The following ZNF184 variants were observed in gnomAD, a reference collection of about 807,000 sequenced individuals.
ZNF184 encodes the protein zinc finger protein 184.
In ZNF184, 16 loss-of-function variants were observed where a neutral mutation model predicts 54.4. The observed-to-expected ratio is 0.29, with a 90% CI of 0.20 to 0.45. ZNF184 has a LOEUF of 0.45. ZNF184 is among the 20% of genes least tolerant of loss of function. The probability of loss-of-function intolerance (pLI) is 1.00; values close to 1 mark genes in which losing one functional copy is unlikely to be tolerated. For synonymous variants in ZNF184, 254 were observed against 295.3 expected, an observed-to-expected ratio of 0.86 and a Z score of 1.43; for missense variants, 681 against 888.2, an observed-to-expected ratio of 0.77 and a Z score of 2.97.
At chr6:27,436,878 A>C in the ZNF184 span, among the ~76,000 whole-genome samples, 7 of 152,308 alleles carry the variant, frequency 4.6e-5, no homozygotes, top group African/African-American at 1.7e-4. Context: ...CTGAAAAAGG[A>C]GGACATGAAA....
chr6:27,462,032 T>C (rs1763008046), intron 3 of ZNF184, among the ~76,000 whole-genome samples: 1 of 152,124 alleles, frequency 6.6e-6, no homozygotes, highest in Non-Finnish European at 1.5e-5. Flanking sequence ...AATGGAAAAC[T>C]TCATAATTCA....
chr6:27,453,164 C>T lies in ZNF184; in HGVS notation c.395G>A (p.Arg132Lys). 1 of 1,614,062 alleles carries T rather than the reference C, an allele frequency of 6.2e-7. No homozygotes were observed. The highest frequency in any genetic ancestry group is 8.5e-7 in the Non-Finnish European group (1 of 1,179,996). ...SPEVIVEKHK[R>K]DDSWSSNLLE... ...CAAGTTGGAACTCCAAGAATCATCTCTTTTGTGTTTTTCCACTATTACCTC... is the reference window on the plus strand; with the variant it reads ...CAAGTTGGAACTCCAAGAATCATCTTTTTTGTGTTTTTCCACTATTACCTC... The change falls in exon 6 of 6, where the codon AGA (arginine) becomes AAA (lysine). Residue 132 changes from arginine (R) to lysine (K), a missense_variant. Coordinates refer to ENST00000683788, the MANE Select transcript of ZNF184 (RefSeq NM_001318891.2). The surrounding 1 kb of genome is among the most constrained non-coding windows in gnomAD (Gnocchi z 4.7).
downstream of ZNF184, among the ~76,000 whole-genome samples, chr6:27,449,792 C>T (rs760599138): frequency 2.3e-4 from 35 of 152,006 alleles, no homozygotes; most frequent in Non-Finnish European, 4.9e-4. Context: ...TTGCTCTACT[C>T]TCTCAGTATG....
chr6:27,450,156 C>T (rs919536563), downstream of ZNF184, among the ~76,000 whole-genome samples: 22 of 152,282 alleles, frequency 1.4e-4, no homozygotes, highest in African/African-American at 4.6e-4. Context: ...CAAATACAAG[C>T]CAATTTTTCT....
At chr6:27,434,460 A>G in the ZNF184 span, among the ~76,000 whole-genome samples, 1 of 152,148 alleles carries the variant, frequency 6.6e-6, no homozygotes, top group Non-Finnish European at 1.5e-5. Flanking sequence ...TTTATACAGT[A>G]TATCTTCTTT....
Position 27,453,035 on chromosome 6 carries a change from T to C in ZNF184, c.524A>G (p.Glu175Gly), listed in dbSNP as rs760942216. The change falls in exon 6 of 6, where the codon GAA becomes GGA. Residue 175 changes from glutamate (E) to glycine (G), a missense_variant. Coordinates refer to ENST00000683788, the MANE Select transcript of ZNF184 (RefSeq NM_001318891.2). The surrounding 1 kb of genome is among the most constrained non-coding windows in gnomAD (Gnocchi z 4.7). ...AAATTCATTATTTACAGGGCCTTTT[T>C]CCCAACTGGGTATTGTCTTTTCGGT... ...KVTEKTIPSW[E>G]KGPVNNEFGK... The C allele has an allele frequency of 1.5e-5, 24 of 1,613,978 alleles. No individual in the cohort carries two copies. Among genetic ancestry groups the C allele is most frequent in the Non-Finnish European group, 2.0e-5 (24 of 1,179,996 alleles).
At chr6:27,414,259 C>T in the ZNF184 span, among the ~76,000 whole-genome samples, 5,437 of 152,226 alleles carry the variant, frequency 0.036, 205 homozygotes, top group African/African-American at 0.095. Flanking sequence ...TCATCCTTGT[C>T]CCTTTTAACC....
At chr6:27,426,592 C>G in the ZNF184 span, among the ~76,000 whole-genome samples, 7 of 152,308 alleles carry the variant, frequency 4.6e-5, no homozygotes, top group South Asian at 1.2e-3. This position sits in a 1 kb window ranked among gnomAD's most constrained non-coding sequence, Gnocchi z 4.2. Context: ...AATTTTCAAT[C>G]TCTCCTTTTC....
At chr6:27,404,332 C>G in the ZNF184 span, 2 of 152,150 alleles carry the variant, frequency 1.3e-5, no homozygotes, top group Admixed American at 6.5e-5. Context: ...TATACAATGT[C>G]TTTGATATAA....
the ZNF184 span, among the ~76,000 whole-genome samples, chr6:27,409,647 G>A: frequency 6.1e-3 from 929 of 151,888 alleles, 27 homozygotes; most frequent in East Asian, 0.053. Flanking sequence ...AAAGATTTAT[G>A]TAATGAATTC....
At chr6:27,423,774 ATGT>A in the ZNF184 span, among the ~76,000 whole-genome samples, 1 of 152,342 alleles carries the variant, frequency 6.6e-6, no homozygotes. Flanking sequence ...CTTAACAAAA[ATGT>A]TATAATTTAT....
At chr6:27,457,249 C>A in intron 4 of ZNF184, 34 bp downstream of exon 4, 2 of 1,609,938 alleles carry the variant, frequency 1.2e-6, no homozygotes, top group Non-Finnish European at 8.5e-7. Context: ...CTCCTGCACA[C>A]CCCTTGATAT....
At chr6:27,459,794 T>C (rs1762952797) in intron 3 of ZNF184, among the ~76,000 whole-genome samples, 1 of 152,198 alleles carries the variant, frequency 6.6e-6, no homozygotes, top group Non-Finnish European at 1.5e-5. Flanking sequence ...AAAAAATATA[T>C]AGTACACCCA....
At chr6:27,421,067 G>A in the ZNF184 span, among the ~76,000 whole-genome samples, 18 of 152,330 alleles carry the variant, frequency 1.2e-4, no homozygotes, top group Middle Eastern at 6.8e-3. Flanking sequence ...AAAGATCAGT[G>A]GTTACTAGGA....
At chr6:27,411,950 C>T in the ZNF184 span, among the ~76,000 whole-genome samples, 1 of 151,922 alleles carries the variant, frequency 6.6e-6, no homozygotes, top group Non-Finnish European at 1.5e-5. Flanking sequence ...ACAGCTAATA[C>T]TGCGGGGTGG....
the ZNF184 span, among the ~76,000 whole-genome samples, chr6:27,425,009 C>T: frequency 6.6e-6 from 1 of 152,234 alleles, no homozygotes. Context: ...AAATCGAGCG[C>T]AGCACCGGTG....
chr6:27,464,799 G>A (rs746587018), intron 3 of ZNF184, among the ~76,000 whole-genome samples: 1 of 151,758 alleles, frequency 6.6e-6, no homozygotes, highest in Non-Finnish European at 1.5e-5. Context: ...GGCGGATCAC[G>A]AGGTCAGGAG....
the ZNF184 span, among the ~76,000 whole-genome samples, chr6:27,412,010 G>A: frequency 3.4e-4 from 52 of 152,284 alleles, no homozygotes; most frequent in African/African-American, 9.9e-4. Flanking sequence ...GGCCCGTCAC[G>A]CCCCCAGTAG....
At chr6:27,410,783 T>C in the ZNF184 span, among the ~76,000 whole-genome samples, 5,437 of 152,238 alleles carry the variant, frequency 0.036, 204 homozygotes, top group African/African-American at 0.095. Flanking sequence ...CCACCTGCCT[T>C]GGCCTCCCAA....
Sources: allele counts gnomAD v4.1 joint callset (sites outside exome capture counted in the v4.1 genomes callset), GRCh38; gene constraint gnomAD v4.1.1; non-coding constraint Gnocchi (gnomAD v3.1); transcripts MANE v1.5; gene names NCBI Gene and HGNC (gene_info 2026-07-23, HGNC 2026-07-21).